The following NMNAT3 variants were observed in gnomAD, a reference collection of about 807,000 sequenced individuals.
The protein encoded by NMNAT3 is nicotinamide/nicotinic acid mononucleotide adenylyltransferase 3.
In NMNAT3, 21 loss-of-function variants were observed where a neutral mutation model predicts 24.8. That is an observed-to-expected ratio of 0.85 (90% CI 0.60 to 1.22). The LOEUF (loss-of-function observed/expected upper bound fraction) is 1.22, where lower values mean the gene tolerates loss of function less well. Ranked by LOEUF, NMNAT3 falls within the 50% of genes most tolerant of loss-of-function variation. The pLI is 0.00. For synonymous variants in NMNAT3, 136 were observed against 155.2 expected (o/e 0.88, Z 0.92); for missense variants, 387 against 436.6 (o/e 0.89, Z 1.01).
At chr3:139,603,972 C>G (rs1024512835) in intron 3 of NMNAT3, among the ~76,000 whole-genome samples, 1 of 152,218 alleles carries the variant, frequency 6.6e-6, no homozygotes, top group East Asian at 1.9e-4. Context: ...CCCCTAGTTA[C>G]TATGGCATCC....
At chr3:139,675,776 CTA>C (rs750905129) in intron 1 of NMNAT3, among the ~76,000 whole-genome samples, 3 of 152,194 alleles carry the variant, frequency 2.0e-5, no homozygotes, top group Non-Finnish European at 4.4e-5. Context: ...AGGTACTGCT[CTA>C]TGTATTTTAG....
rs530864045 is a variant in NMNAT3 at position 139,667,265 on chromosome 3, A to C, written c.-141+10440T>G. Among the ~76,000 whole-genome samples, 78 of 152,140 alleles carry C rather than the reference A, an allele frequency of 5.1e-4. 1 individual carries two copies. Among genetic ancestry groups the C allele is most frequent in the African/African-American group, 1.7e-3 (70 of 41,514 alleles). On this transcript the variant is annotated intron_variant, in intron 1 of 6. Transcript: ENST00000643695. Reference sequence around the variant, plus strand: ...CCTCTTTTTCTTCATCCTTGCCAGCATTTGTTGTTTTTTGTCTTTTTGATA... The same window carrying C: ...CCTCTTTTTCTTCATCCTTGCCAGCCTTTGTTGTTTTTTGTCTTTTTGATA...
At chr3:139,623,238 A>G (rs1033694098) in intron 3 of NMNAT3, among the ~76,000 whole-genome samples, 17 of 152,126 alleles carry the variant, frequency 1.1e-4, no homozygotes, top group Non-Finnish European at 2.4e-4. Context: ...ATTTTGTTAG[A>G]AATTAAGATA....
At chr3:139,566,422 C>T (rs1466816271) in intron 6 of NMNAT3, 1 of 152,208 alleles carries the variant, frequency 6.6e-6, no homozygotes, top group Non-Finnish European at 1.5e-5. Context: ...GTGTTTTAGA[C>T]ATGAAGTCCT....
At position 139,563,800 on chromosome 3, in the gene NMNAT3, ACT is replaced by A. The variant is rs969262009; in HGVS notation, c.659-2410_659-2409del. On this transcript the variant is annotated intron_variant, in intron 6 of 6. Coordinates refer to ENST00000643695, the MANE Select transcript of NMNAT3 (RefSeq NM_001320510.2). ...TGTTACAAAATTTTTAGACCGAGTGACTCTATCCAAGTCCTAAGTATGTAACT... is the reference window on the plus strand; with the variant it reads ...TGTTACAAAATTTTTAGACCGAGTGACTATCCAAGTCCTAAGTATGTAACT... Among the ~76,000 whole-genome samples the A allele has an allele frequency of 5.8e-4, 88 of 152,236 alleles. 1 individual carries two copies. Among genetic ancestry groups the A allele is most frequent in the African/African-American group, 2.1e-3 (87 of 41,518 alleles).
At chr3:139,595,841 C>A (rs1251893036) in intron 3 of NMNAT3, among the ~76,000 whole-genome samples, 2 of 152,158 alleles carry the variant, frequency 1.3e-5, no homozygotes, top group Non-Finnish European at 2.9e-5. Flanking sequence ...AACGTTAGAG[C>A]TAAAACCATA....
intron 1 of NMNAT3, among the ~76,000 whole-genome samples, chr3:139,671,368 T>C (rs1244457551): frequency 6.6e-6 from 1 of 152,212 alleles, no homozygotes; most frequent in East Asian, 1.9e-4. Context: ...TCTCCTCCTA[T>C]ACTGTATATT....
chr3:139,576,039 C>G (rs1465746357), intron 5 of NMNAT3: 1 of 1,288,656 alleles, frequency 7.8e-7, no homozygotes, highest in Non-Finnish European at 1.0e-6. Flanking sequence ...AAAGAACAAA[C>G]TATCTTATAG....
intron 3 of NMNAT3, among the ~76,000 whole-genome samples, chr3:139,587,072 T>C (rs2053968532): frequency 6.6e-6 from 1 of 152,242 alleles, no homozygotes. Flanking sequence ...TCTGGAATTC[T>C]GGAAGACCAC....
intron 1 of NMNAT3, among the ~76,000 whole-genome samples, chr3:139,663,469 G>A (rs1376391113): frequency 6.6e-6 from 1 of 152,288 alleles, no homozygotes; most frequent in East Asian, 1.9e-4. Context: ...GTCTCAAGGT[G>A]CTCAGAGAAG....
intron 1 of NMNAT3, among the ~76,000 whole-genome samples, chr3:139,653,315 G>A (rs1290334666): frequency 1.3e-5 from 2 of 151,892 alleles, no homozygotes; most frequent in African/African-American, 4.8e-5. Flanking sequence ...TGCAAAAGGT[G>A]ATATTGTTAA....
Position 139,644,322 on chromosome 3 carries a change from T to G in NMNAT3, c.-140-6260A>C, listed in dbSNP as rs185979854. 2.6e-5 allele frequency among the ~76,000 whole-genome samples: 4 copies of G among 152,288 alleles called. No homozygotes were observed. In the East Asian group the frequency reaches 5.8e-4, roughly 22 times the overall value. On this transcript the variant is annotated intron_variant, in intron 1 of 6. Transcript: ENST00000643695. ...GACTGGCATGCATCTGACCTCTTAT[T>G]TGCAACACTGCATGCAAAAATACAA...
At chr3:139,584,733 G>A (rs972329142) in intron 3 of NMNAT3, among the ~76,000 whole-genome samples, 1 of 152,194 alleles carries the variant, frequency 6.6e-6, no homozygotes, top group African/African-American at 2.4e-5. Context: ...TGATGTCCTA[G>A]TATATGGTGA....
At chr3:139,660,832 TAA>T (rs57212720) in intron 1 of NMNAT3, among the ~76,000 whole-genome samples, 3 of 151,938 alleles carry the variant, frequency 2.0e-5, no homozygotes, top group Admixed American at 2.0e-4. Flanking sequence ...TAAGGGGAGA[TAA>T]AAAAAATCTG....
At chr3:139,609,483 G>A (rs959576103) in intron 3 of NMNAT3, among the ~76,000 whole-genome samples, 5 of 152,068 alleles carry the variant, frequency 3.3e-5, no homozygotes, top group African/African-American at 1.2e-4. Context: ...TTCCCTAATT[G>A]TTAATGTTGT....
In NMNAT3 at chr3:139,677,750, G is replaced by A. The variant is rs2057980852; in HGVS notation, c.-186C>T. On this transcript the variant is annotated 5_prime_UTR_variant, in exon 1 of 7. Transcript: ENST00000643695. ...CAACGGCGCTCGGCGAGTCTCGGGGGACTGCGGGGGACTAGGGGACCTGCT... is the reference window on the plus strand; with the variant it reads ...CAACGGCGCTCGGCGAGTCTCGGGGAACTGCGGGGGACTAGGGGACCTGCT... 1 of 152,338 alleles carries A rather than the reference G, an allele frequency of 6.6e-6. No individual in the cohort carries two copies. Among genetic ancestry groups the A allele is most frequent in the Admixed American group, 6.5e-5 (1 of 15,290 alleles). The allele number at this position is 152,338 out of a possible 1,614,324, so 9.4% of individuals were successfully genotyped here.
At chr3:139,603,710 C>T (rs1477231837) in intron 3 of NMNAT3, among the ~76,000 whole-genome samples, 3 of 152,114 alleles carry the variant, frequency 2.0e-5, no homozygotes, top group Non-Finnish European at 4.4e-5. Context: ...CCAATAATCA[C>T]TAACAGCATT....
intron 2 of NMNAT3, among the ~76,000 whole-genome samples, chr3:139,628,079 C>G (rs2056136406): frequency 6.6e-6 from 1 of 152,190 alleles, no homozygotes; most frequent in African/African-American, 2.4e-5. Context: ...TATTCTGAAC[C>G]TCTATATCCT....
Position 139,591,691 on chromosome 3 carries a change from A to AC in NMNAT3, c.110-8484dup, listed in dbSNP as rs936344374. 2.9e-3 allele frequency among the ~76,000 whole-genome samples: 440 copies of AC among 152,190 alleles called. 2 individuals carry two copies. Among genetic ancestry groups the AC allele is most frequent in the African/African-American group, 1.0e-2 (414 of 41,512 alleles). ...CCCCCGAGCAGCCTAACTGGGAGGCACCCCCCAGCAGGGGCAGACTGACAC... is the reference window on the plus strand; with the variant it reads ...CCCCCGAGCAGCCTAACTGGGAGGCACCCCCCCAGCAGGGGCAGACTGACAC... On this transcript the variant is annotated intron_variant, in intron 3 of 6. Coordinates refer to ENST00000643695, the MANE Select transcript of NMNAT3 (RefSeq NM_001320510.2).
Sources: allele counts gnomAD v4.1 joint callset (sites outside exome capture counted in the v4.1 genomes callset), GRCh38; gene constraint gnomAD v4.1.1; transcripts MANE v1.5; gene names NCBI Gene and HGNC (gene_info 2026-07-23, HGNC 2026-07-21).